Variants in PDE1A observed in about 807,000 individuals in gnomAD.
The protein encoded by PDE1A is dual specificity calcium/calmodulin-dependent 3',5'-cyclic nucleotide phosphodiesterase 1A.
Under a neutral mutation model 61.7 loss-of-function variants are expected in PDE1A, and 35 were observed. That is an observed-to-expected ratio of 0.57 (90% CI 0.43 to 0.75). The LOEUF (loss-of-function observed/expected upper bound fraction) is 0.75. Among genes scored for constraint, PDE1A ranks in the 30% least tolerant of loss-of-function variants. The pLI is 0.00. For missense variants in PDE1A, 597 were observed against 630.6 expected, an observed-to-expected ratio of 0.95 and a Z score of 0.57; for synonymous variants, 232 against 213.2, an observed-to-expected ratio of 1.09 and a Z score of -0.77.
chr2:182,145,364 GA>G (rs111680675), downstream of PDE1A, among the ~76,000 whole-genome samples: 779 of 146,936 alleles, frequency 5.3e-3, 6 homozygotes, highest in African/African-American at 0.018. Context: ...GGCCTTGACA[GA>G]AAAAAAAAAA....
chr2:182,441,675 A>C (rs1376551545), intron 2 of PDE1A, among the ~76,000 whole-genome samples: 1 of 151,978 alleles, frequency 6.6e-6, no homozygotes, highest in Non-Finnish European at 1.5e-5. Flanking sequence ...TAATAGGCTG[A>C]ATCCAGGGCT....
At chr2:182,459,839 C>G (rs2125758254) in intron 2 of PDE1A, among the ~76,000 whole-genome samples, 1 of 152,268 alleles carries the variant, frequency 6.6e-6, no homozygotes, top group Non-Finnish European at 1.5e-5. Context: ...TCTCAAAACG[C>G]TGAGATTCTA....
chr2:182,715,005 T>C, the PDE1A span, among the ~76,000 whole-genome samples: 165 of 152,312 alleles, frequency 1.1e-3, 3 homozygotes, highest in East Asian at 0.03. Context: ...CCTCATCACC[T>C]AAGAGATAGA....
At chr2:182,412,987 C>G (rs1162478696) in intron 1 of PDE1A, among the ~76,000 whole-genome samples, 1 of 152,092 alleles carries the variant, frequency 6.6e-6, no homozygotes, top group Admixed American at 6.5e-5. Flanking sequence ...TGAATTAGGA[C>G]TTGAAGCATG....
chr2:182,404,532 A>G (rs1358483332), intron 1 of PDE1A, among the ~76,000 whole-genome samples: 2 of 152,082 alleles, frequency 1.3e-5, no homozygotes, highest in Admixed American at 1.3e-4. Context: ...AAACATTTCG[A>G]CTCTTTTGTA....
At chr2:182,353,207 T>A (rs1698989810) in intron 1 of PDE1A, among the ~76,000 whole-genome samples, 1 of 152,232 alleles carries the variant, frequency 6.6e-6, no homozygotes, top group Non-Finnish European at 1.5e-5. Flanking sequence ...TTCTAAAAAT[T>A]AATCTGCTAA....
At chr2:182,510,802 C>T (rs906038698) in intron 2 of PDE1A, among the ~76,000 whole-genome samples, 2 of 152,172 alleles carry the variant, frequency 1.3e-5, no homozygotes, top group African/African-American at 4.8e-5. Flanking sequence ...GCCCACTTCT[C>T]CTCAGCTCTC....
chr2:182,486,821 C>A (rs908284887), intron 2 of PDE1A, among the ~76,000 whole-genome samples: 2 of 152,016 alleles, frequency 1.3e-5, no homozygotes, highest in African/African-American at 4.8e-5. Context: ...GCTAATATTA[C>A]AAAGACTTCT....
chr2:182,710,024 G>A, the PDE1A span, among the ~76,000 whole-genome samples: 1 of 152,138 alleles, frequency 6.6e-6, no homozygotes, highest in East Asian at 1.9e-4. Flanking sequence ...AGACTCCCGA[G>A]TAGCTGGGAT....
intron 1 of PDE1A, among the ~76,000 whole-genome samples, chr2:182,273,113 G>A (rs566237573): frequency 6.6e-6 from 1 of 152,088 alleles, no homozygotes; most frequent in East Asian, 1.9e-4. Flanking sequence ...TCCAAAAGAA[G>A]GAAGGACTAA....
upstream of PDE1A, among the ~76,000 whole-genome samples, chr2:182,527,271 AG>A (rs1239610216): frequency 7.4e-6 from 1 of 134,540 alleles, no homozygotes; most frequent in Non-Finnish European, 1.6e-5. Context: ...GTTCAAGATT[AG>A]CCTGGACAAT....
chr2:182,685,100 T>C, the PDE1A span, among the ~76,000 whole-genome samples: 1 of 150,180 alleles, frequency 6.7e-6, no homozygotes, highest in Non-Finnish European at 1.5e-5. Context: ...ATATATAACA[T>C]ATACATATAT....
At chr2:182,385,606 T>C (rs1268299234) in intron 1 of PDE1A, among the ~76,000 whole-genome samples, 1 of 100,974 alleles carries the variant, frequency 9.9e-6, no homozygotes, top group Non-Finnish European at 2.0e-5. Flanking sequence ...GAAAAATGCT[T>C]AGATGAAAGA....
chr2:182,257,933 C>T (rs894140793), intron 2 of PDE1A, among the ~76,000 whole-genome samples: 1 of 151,976 alleles, frequency 6.6e-6, no homozygotes, highest in Admixed American at 6.5e-5. Flanking sequence ...TTTGGGGGGC[C>T]GAGGCGGGCA....
chr2:182,430,413 T>G (rs1703874231), upstream of PDE1A, among the ~76,000 whole-genome samples: 2 of 87,594 alleles, frequency 2.3e-5, no homozygotes, highest in African/African-American at 4.4e-5. Context: ...TGAGATATCA[T>G]CTCACACCAG....
chr2:182,295,209 G>A (rs1694802614), intron 1 of PDE1A, among the ~76,000 whole-genome samples: 1 of 150,998 alleles, frequency 6.6e-6, no homozygotes, highest in African/African-American at 2.4e-5. Context: ...CGAGTAGCTG[G>A]GACTACAGGC....
chr2:182,336,630 C>T (rs985707096), intron 1 of PDE1A, among the ~76,000 whole-genome samples: 1 of 151,678 alleles, frequency 6.6e-6, no homozygotes, highest in African/African-American at 2.4e-5. Flanking sequence ...GGGTAGGGGG[C>T]TAGGGGAGGG....
At chr2:182,621,667 A>G in the PDE1A span, among the ~76,000 whole-genome samples, 10 of 152,122 alleles carry the variant, frequency 6.6e-5, no homozygotes, top group Non-Finnish European at 8.8e-5. Context: ...TTTGGTTTCC[A>G]AAAGAAATTT....
At chr2:182,652,725 G>T in the PDE1A span, among the ~76,000 whole-genome samples, 1 of 152,092 alleles carries the variant, frequency 6.6e-6, no homozygotes, top group African/African-American at 2.4e-5. Context: ...ACAGTTACAG[G>T]TAGAAACTAC....
Sources: gnomAD v4.1 joint callset for allele counts (sites outside exome capture counted in the v4.1 genomes callset) on GRCh38, gnomAD v4.1.1 for gene constraint, MANE v1.5 for transcripts, NCBI Gene and HGNC (gene_info 2026-07-23, HGNC 2026-07-21) for gene names.